The following TUBD1 variants were observed in gnomAD, a reference collection of about 807,000 sequenced individuals.
TUBD1 encodes the protein tubulin delta chain.
Under a neutral mutation model 51.2 loss-of-function variants are expected in TUBD1, and 38 were observed. That is an observed-to-expected ratio of 0.74 (90% CI 0.57 to 0.97). The LOEUF is 0.97. Among genes scored for constraint, TUBD1 ranks in the 50% least tolerant of loss-of-function variants. The pLI is 0.00. For missense variants in TUBD1, 489 were observed against 538.4 expected, an observed-to-expected ratio of 0.91 and a Z score of 0.91; for synonymous variants, 169 against 178.2, an observed-to-expected ratio of 0.95 and a Z score of 0.41.
At chr17:59,873,133 A>AT (rs2040072317) in intron 6 of TUBD1, among the ~76,000 whole-genome samples, 2 of 151,990 alleles carry the variant, frequency 1.3e-5, no homozygotes, top group South Asian at 4.1e-4. Context: ...CTATGGAGGC[A>AT]AATTGTAGAT....
chr17:59,862,714 ATTTTTTT>A (rs71145582), intron 8 of TUBD1, among the ~76,000 whole-genome samples: 8 of 56,986 alleles, frequency 1.4e-4, no homozygotes, highest in Admixed American at 6.9e-4. Flanking sequence ...TAATTTTTGT[ATTTTTTT>A]TTTTTTTTTT....
chr17:59,865,349 C>T (rs1046518316), intron 7 of TUBD1, among the ~76,000 whole-genome samples: 3 of 150,198 alleles, frequency 2.0e-5, no homozygotes, highest in African/African-American at 7.3e-5. Context: ...TTGAGGTCTG[C>T]AGTTTGAGAC....
At chr17:59,868,283 CAAAAAAAAAAA>C (rs11401623) in intron 6 of TUBD1, among the ~76,000 whole-genome samples, 1 of 49,142 alleles carries the variant, frequency 2.0e-5, no homozygotes, top group Non-Finnish European at 4.1e-5. Context: ...GACTCCATGT[CAAAAAAAAAAA>C]AAAAAAAAAA....
chr17:59,880,810 G>C, intron 4 of TUBD1, 84 bp downstream of exon 4: 1 of 1,333,184 alleles, frequency 7.5e-7, no homozygotes, highest in Non-Finnish European at 1.1e-6. Context: ...CACCGCACCT[G>C]GGTGGTGAGA....
intron 3 of TUBD1, 65 bp downstream of exon 3, chr17:59,886,018 T>A (rs1476205383): frequency 6.5e-7 from 1 of 1,547,674 alleles, no homozygotes; most frequent in Non-Finnish European, 8.9e-7. Context: ...CAGTTCTAAC[T>A]TTGCTATCTA....
At position 59,892,875 on chromosome 17, in the gene TUBD1, A is replaced by T. The variant is rs1028481178; in HGVS notation, c.-218T>A. ...CAGAAAGATTAATTACGCATGTTCA[A>T]TTTCAATTTACGAACTTCAGATATG... On this transcript the variant is annotated 5_prime_UTR_variant, in exon 1 of 9. In the 5' UTR this introduces an upstream ATG that the reference lacks. Coordinates refer to ENST00000325752, the MANE Select transcript of TUBD1 (RefSeq NM_016261.4). 8.5e-6 allele frequency: 3 copies of T among 353,598 alleles called. No individual in the cohort carries two copies. Among genetic ancestry groups the T allele is most frequent in the African/African-American group, 6.1e-5 (3 of 49,296 alleles). 21.9% of individuals were successfully genotyped at this position (353,598 alleles called of 1,614,324 possible). A position where few individuals can be genotyped will look rare whatever the true frequency, so the allele number is the denominator to read the frequency against.
Position 59,867,282 on chromosome 17 carries a change from C to T in TUBD1, c.935-533G>A, listed in dbSNP as rs1178937213. Among the ~76,000 whole-genome samples, 5 of 152,124 alleles carry T rather than the reference C, an allele frequency of 3.3e-5. No individual in the cohort carries two copies. In the East Asian group the frequency reaches 5.8e-4, roughly 18 times the overall value. ...AACTCCTGGGCTCAAATGATCCTCC[C>T]GCCTTATCCTCTGATGTAGCTGGGA... is the stretch of plus-strand genomic sequence containing the variant. On this transcript the variant is annotated intron_variant, in intron 6 of 8. Transcript: ENST00000325752.
intron 4 of TUBD1, among the ~76,000 whole-genome samples, chr17:59,880,218 C>G (rs1038092903): frequency 6.6e-6 from 1 of 151,846 alleles, no homozygotes; most frequent in Non-Finnish European, 1.5e-5. Context: ...GCCACCATGC[C>G]CAGCTAATTT....
chr17:59,868,478 T>C (rs1181919865), intron 6 of TUBD1, among the ~76,000 whole-genome samples: 1 of 151,646 alleles, frequency 6.6e-6, no homozygotes, highest in Non-Finnish European at 1.5e-5. Flanking sequence ...GAAGGATCAC[T>C]TGAAACCAGG....
intron 5 of TUBD1, among the ~76,000 whole-genome samples, chr17:59,876,669 C>T (rs1252985091): frequency 6.6e-6 from 1 of 151,634 alleles, no homozygotes; most frequent in Non-Finnish European, 1.5e-5. Flanking sequence ...TTTTTAAATT[C>T]TTAGTAGAGA....
At chr17:59,873,240 AGTTGTTTTTTGTT>A (rs1366617875) in intron 6 of TUBD1, among the ~76,000 whole-genome samples, 1 of 107,154 alleles carries the variant, frequency 9.3e-6, no homozygotes, top group African/African-American at 5.3e-5. Context: ...ACATTACTTA[AGTTGTTTTTTGTT>A]GTTGTTTTTT....
At chr17:59,871,628 T>C (rs1374891352) in intron 6 of TUBD1, among the ~76,000 whole-genome samples, 2 of 152,070 alleles carry the variant, frequency 1.3e-5, no homozygotes, top group Non-Finnish European at 2.9e-5. Flanking sequence ...GAGGTACAGA[T>C]ATAAATCAGG....
At chr17:59,871,265 A>G (rs2039969500) in intron 6 of TUBD1, among the ~76,000 whole-genome samples, 1 of 152,154 alleles carries the variant, frequency 6.6e-6, no homozygotes, top group Non-Finnish European at 1.5e-5. Flanking sequence ...ACACGATCTC[A>G]GCTCACTGCA....
chr17:59,886,673 C>T (rs1411760758), intron 2 of TUBD1: 2 of 150,618 alleles, frequency 1.3e-5, no homozygotes, highest in African/African-American at 5.1e-5. Context: ...TGGGTCAGGT[C>T]TACAAACATA....
chr17:59,862,714 A>ATTT (rs71145582), intron 8 of TUBD1, among the ~76,000 whole-genome samples: 2,054 of 56,922 alleles, frequency 0.036, 354 homozygotes, highest in Middle Eastern at 0.069. Context: ...TAATTTTTGT[A>ATTT]TTTTTTTTTT....
At chr17:59,868,684 A>G (rs2039832458) in intron 6 of TUBD1, among the ~76,000 whole-genome samples, 1 of 151,952 alleles carries the variant, frequency 6.6e-6, no homozygotes, top group South Asian at 2.1e-4. Context: ...TAAAAATACA[A>G]AAATTAGCTG....
chr17:59,865,798 A>G (rs1252487390), intron 7 of TUBD1, among the ~76,000 whole-genome samples: 1 of 151,856 alleles, frequency 6.6e-6, no homozygotes, highest in Non-Finnish European at 1.5e-5. Context: ...TTCAAGTGTG[A>G]TATGTGACTT....
intron 4 of TUBD1, among the ~76,000 whole-genome samples, chr17:59,879,445 C>CT (rs928555189): frequency 1.1e-4 from 17 of 151,986 alleles, no homozygotes; most frequent in African/African-American, 3.9e-4. Flanking sequence ...TCTTCTCTGA[C>CT]TTTTTTTTGA....
At position 59,888,358 on chromosome 17, in the gene TUBD1, CA is replaced by C. The variant is rs532309470; in HGVS notation, c.173-2129del. 1.9e-3 allele frequency among the ~76,000 whole-genome samples: 284 copies of C among 152,184 alleles called. 3 individuals are homozygous for C. The highest frequency in any genetic ancestry group is 4.6e-4 in the Non-Finnish European group (31 of 68,012). Reference sequence around the variant, plus strand: ...AGAAAGAACAAAAGCCAGACTAAAGCAAGTCAGTGAAGGTGGAAAGGGAAGA... The same window carrying C: ...AGAAAGAACAAAAGCCAGACTAAAGCAGTCAGTGAAGGTGGAAAGGGAAGA... On this transcript the variant is annotated intron_variant, in intron 2 of 8. Transcript: ENST00000325752.
Sources: gnomAD v4.1 joint callset for allele counts (sites outside exome capture counted in the v4.1 genomes callset) on GRCh38, gnomAD v4.1.1 for gene constraint, MANE v1.5 for transcripts, NCBI Gene and HGNC (gene_info 2026-07-23, HGNC 2026-07-21) for gene names.